UPK1B: variants seen among roughly 807,000 people sequenced by gnomAD.
UPK1B encodes the protein uroplakin-1b.
Under a neutral mutation model 34.2 loss-of-function variants are expected in UPK1B, and 28 were observed. That is an observed-to-expected ratio of 0.82 (90% CI 0.61 to 1.12). The LOEUF is 1.12. Ranked by LOEUF, UPK1B falls within the 50% of genes most tolerant of loss-of-function variation. UPK1B has a pLI of 0.00. For synonymous variants in UPK1B, 81 were observed against 110.4 expected, an observed-to-expected ratio of 0.73 and a Z score of 1.67; for missense variants, 325 against 320.9, an observed-to-expected ratio of 1.01 and a Z score of -0.10.
chr3:119,179,378 TA>T (rs1559900018), intron 1 of UPK1B, among the ~76,000 whole-genome samples: 5 of 80,966 alleles, frequency 6.2e-5, no homozygotes, highest in African/African-American at 2.2e-4. Flanking sequence ...TATATATATA[TA>T]TATATATATA....
intron 6 of UPK1B, among the ~76,000 whole-genome samples, chr3:119,197,489 G>A (rs566847358): frequency 2.0e-5 from 3 of 152,204 alleles, no homozygotes; most frequent in Non-Finnish European, 2.9e-5. Context: ...TTAGATGAAC[G>A]ACCACCTCCC....
At chr3:119,186,345 A>G (rs2078019415) in intron 1 of UPK1B, among the ~76,000 whole-genome samples, 1 of 152,204 alleles carries the variant, frequency 6.6e-6, no homozygotes, top group Admixed American at 6.5e-5. Context: ...TCCATTTGTC[A>G]TGGCCAAGGG....
At chr3:119,201,487 G>A (rs1015287433) in intron 7 of UPK1B, among the ~76,000 whole-genome samples, 1 of 152,136 alleles carries the variant, frequency 6.6e-6, no homozygotes, top group Non-Finnish European at 1.5e-5. Flanking sequence ...GATCTCATGA[G>A]ACTTATTCCC....
At chr3:119,186,663 T>C (rs984008230) in intron 1 of UPK1B, 51 bp from the exon 2 acceptor site, 106 of 1,472,782 alleles carry the variant, frequency 7.2e-5, no homozygotes, top group Non-Finnish European at 9.5e-5. Context: ...AATGGCTTGG[T>C]TTACTCATGT....
intron 7 of UPK1B, among the ~76,000 whole-genome samples, chr3:119,202,958 G>A (rs1488776901): frequency 1.3e-5 from 2 of 152,182 alleles, no homozygotes; most frequent in Non-Finnish European, 2.9e-5. Context: ...TTGCTTCTGA[G>A]TGGCAGGTAA....
Position 119,194,240 on chromosome 3 carries a change from G to A in UPK1B, c.490G>A (p.Gly164Ser), listed in dbSNP as rs1053928885. The A allele has an allele frequency of 2.5e-6, 4 of 1,613,820 alleles. No individual in the cohort carries two copies. In the African/African-American group the frequency reaches 4.0e-5, roughly 16 times the overall value. Reference protein sequence around the residue: ...MLQDNCCGVNGPSDWQKYTSA... With the variant: ...MLQDNCCGVNSPSDWQKYTSA... ...ACAGGACAATTGCTGTGGCGTAAAT[G>A]GTCCATCAGACTGGCAAAAATACAC... Residue 164 changes from glycine (G) to serine (S), a missense_variant, in exon 6 of 8, where the codon GGT becomes AGT. By Grantham distance (56) the Gly-to-Ser change is moderately conservative (BLOSUM62 0). Transcript: ENST00000264234.
At chr3:119,175,703 C>G (rs1159255199) in intron 1 of UPK1B, among the ~76,000 whole-genome samples, 1 of 152,024 alleles carries the variant, frequency 6.6e-6, no homozygotes, top group Non-Finnish European at 1.5e-5. Context: ...ACTGGGAGCA[C>G]CAGGAATCAA....
At chr3:119,202,794 G>C (rs1437601923) in intron 7 of UPK1B, among the ~76,000 whole-genome samples, 1 of 152,194 alleles carries the variant, frequency 6.6e-6, no homozygotes, top group Admixed American at 6.5e-5. Context: ...AGCAAGGAAT[G>C]CTTACCCCGA....
At chr3:119,185,038 A>T (rs917245386) in intron 1 of UPK1B, among the ~76,000 whole-genome samples, 4 of 152,256 alleles carry the variant, frequency 2.6e-5, no homozygotes, top group African/African-American at 7.2e-5. Context: ...CTAACACGCA[A>T]CAATAACTGG....
intron 5 of UPK1B, among the ~76,000 whole-genome samples, chr3:119,193,399 G>T (rs2078052316): frequency 6.6e-6 from 1 of 152,176 alleles, no homozygotes; most frequent in African/African-American, 2.4e-5. Flanking sequence ...AAAGTTCCAA[G>T]ATACCCATGG....
intron 6 of UPK1B, 138 bp downstream of exon 6, chr3:119,194,536 T>C (rs1259804063): frequency 1.2e-5 from 10 of 853,202 alleles, no homozygotes; most frequent in Middle Eastern, 3.4e-4. Flanking sequence ...AACTATTTCC[T>C]TCTCTGTTAA....
chr3:119,188,378 G>A (rs1267734449), intron 3 of UPK1B, among the ~76,000 whole-genome samples: 2 of 151,986 alleles, frequency 1.3e-5, no homozygotes, highest in Non-Finnish European at 2.9e-5. Context: ...ATATTAATTA[G>A]GCATTAATAT....
At chr3:119,199,273 C>A in intron 7 of UPK1B, 133 bp downstream of exon 7, 1 of 965,316 alleles carries the variant, frequency 1.0e-6, no homozygotes, top group South Asian at 1.7e-5. Flanking sequence ...AGTCAGGAAA[C>A]TTCTGGCACC....
intron 1 of UPK1B, among the ~76,000 whole-genome samples, chr3:119,178,989 T>C (rs2077972235): frequency 1.3e-5 from 2 of 152,064 alleles, no homozygotes; most frequent in Admixed American, 6.5e-5. Context: ...CAATCCCAAT[T>C]GGGATGGTGT....
chr3:119,175,221 G>T (rs2077950740), intron 1 of UPK1B, among the ~76,000 whole-genome samples: 1 of 150,700 alleles, frequency 6.6e-6, no homozygotes, highest in Non-Finnish European at 1.5e-5. Context: ...TAGAGACGGG[G>T]TTTCACCGTG....
intron 1 of UPK1B, among the ~76,000 whole-genome samples, chr3:119,176,367 T>C (rs2077956782): frequency 6.6e-6 from 1 of 152,334 alleles, no homozygotes; most frequent in South Asian, 2.1e-4. Flanking sequence ...TGAGCAATTG[T>C]TTTTAGACCT....
Position 119,180,551 on chromosome 3 carries a change from T to C in UPK1B, c.-28-6163T>C, listed in dbSNP as rs187752894. Among the ~76,000 whole-genome samples, 11 of 152,316 alleles carry C rather than the reference T, an allele frequency of 7.2e-5. No individual in the cohort carries two copies. The South Asian group carries it at 1.7e-3, about 23-fold the overall frequency. On this transcript the variant is annotated intron_variant, in intron 1 of 7. Transcript: ENST00000264234. ...AAGCTATTAACAAAGGCAAAACTAC[T>C]ACCAAGCCCTAGAGAACACCACAGT...
chr3:119,176,672 C>T (rs1425961569), intron 1 of UPK1B, among the ~76,000 whole-genome samples: 3 of 152,290 alleles, frequency 2.0e-5, no homozygotes, highest in Non-Finnish European at 2.9e-5. Context: ...ATCTCTAACG[C>T]GGGCAGTTGC....
intron 3 of UPK1B, among the ~76,000 whole-genome samples, chr3:119,190,024 G>T (rs552379503): frequency 6.6e-6 from 1 of 152,300 alleles, no homozygotes; most frequent in East Asian, 1.9e-4. Context: ...ACTGAGGAAG[G>T]TCTGTATTCA....
Sources: allele counts gnomAD v4.1 joint callset (sites outside exome capture counted in the v4.1 genomes callset), GRCh38; gene constraint gnomAD v4.1.1; transcripts MANE v1.5; gene names NCBI Gene and HGNC (gene_info 2026-07-23, HGNC 2026-07-21).